Variants in CFAP61 observed in about 807,000 individuals in gnomAD.
The protein encoded by CFAP61 is cilia- and flagella-associated protein 61.
CFAP61 carries 107 observed loss-of-function variants against 135.6 expected under a neutral mutation model. The observed-to-expected ratio is 0.79, with a 90% confidence interval of 0.67 to 0.93. CFAP61 has a LOEUF of 0.93. Among genes scored for constraint, CFAP61 ranks in the 40% least tolerant of loss-of-function variants. CFAP61 has a pLI of 0.00. For synonymous variants in CFAP61, 575 were observed against 578.5 expected (o/e 0.99, Z 0.09); for missense variants, 1,507 against 1,556.2 (o/e 0.97, Z 0.53).
chr20:20,354,959 A>AGACTCTGTCAGAGGAG (rs2059010483), intron 26 of CFAP61, among the ~76,000 whole-genome samples: 1 of 20,588 alleles, frequency 4.9e-5, no homozygotes, highest in Admixed American at 5.6e-4. Context: ...ACTGAGGGGA[A>AGACTCTGTCAGAGGAG]GTGGTCACAC....
chr20:20,064,038 C>G (rs2045041765), intron 2 of CFAP61, among the ~76,000 whole-genome samples: 1 of 124,218 alleles, frequency 8.1e-6, no homozygotes, highest in Non-Finnish European at 1.7e-5. Flanking sequence ...AGTAACCGCC[C>G]CCCACCCCGC....
At chr20:20,278,750 GAA>G (rs556967491) in intron 22 of CFAP61, among the ~76,000 whole-genome samples, 201 of 152,130 alleles carry the variant, frequency 1.3e-3, no homozygotes, top group African/African-American at 4.7e-3. Flanking sequence ...GCAGACCACT[GAA>G]AAAGACTAAA....
intron 20 of CFAP61, 41 bp downstream of exon 20, chr20:20,251,804 A>T: frequency 1.2e-6 from 2 of 1,600,268 alleles, no homozygotes; most frequent in Non-Finnish European, 1.7e-6. Context: ...GTGTCTGGAG[A>T]GCTCCATGAA....
intron 6 of CFAP61, among the ~76,000 whole-genome samples, chr20:20,081,049 T>C (rs1019276995): frequency 1.3e-5 from 2 of 152,008 alleles, no homozygotes; most frequent in African/African-American, 4.8e-5. Flanking sequence ...CAAAATAGTA[T>C]TTTGTTGCTT....
chr20:20,329,885 C>T (rs1343221698), intron 25 of CFAP61, among the ~76,000 whole-genome samples: 3 of 152,230 alleles, frequency 2.0e-5, no homozygotes, highest in African/African-American at 2.4e-5. Context: ...GCGGAGCTCC[C>T]GCCTGCTCTA....
chr20:20,210,637 C>A (rs1261511992), intron 17 of CFAP61, among the ~76,000 whole-genome samples: 1 of 152,116 alleles, frequency 6.6e-6, no homozygotes, highest in East Asian at 1.9e-4. Context: ...AAACACAGAC[C>A]ACGAATGCCC....
chr20:20,288,057 C>T (rs956032973), intron 22 of CFAP61, among the ~76,000 whole-genome samples: 2 of 152,156 alleles, frequency 1.3e-5, no homozygotes, highest in Non-Finnish European at 2.9e-5. Context: ...AGCAACAAGG[C>T]AGGAACCCAG....
At chr20:20,280,367 A>G (rs1279099739) in intron 22 of CFAP61, among the ~76,000 whole-genome samples, 1 of 152,178 alleles carries the variant, frequency 6.6e-6, no homozygotes, top group Non-Finnish European at 1.5e-5. Flanking sequence ...GTTCCTGACA[A>G]TACTTGGATT....
Position 20,067,093 on chromosome 20 carries a change from TA to T in CFAP61, c.144-3749del, listed in dbSNP as rs554114024. 4.7e-3 allele frequency among the ~76,000 whole-genome samples: 666 copies of T among 143,194 alleles called. 1 individual carries two copies. The highest frequency in any genetic ancestry group is 0.018 in the South Asian group (80 of 4,538). 93.9% of individuals were successfully genotyped at this position (143,194 alleles called of 152,430 possible). ...AAAAAGTTTTATAACATCTGACTCT[TA>T]AAAAAAAAAAAGAAAATAAGTTTTG... On this transcript the variant is annotated intron_variant, in intron 2 of 26. Transcript: ENST00000245957.
At chr20:20,301,695 G>A (rs1275586754) in intron 25 of CFAP61, among the ~76,000 whole-genome samples, 8 of 152,246 alleles carry the variant, frequency 5.3e-5, no homozygotes, top group East Asian at 3.9e-4. Flanking sequence ...ATTTGTCCAC[G>A]GAGCAGGGCT....
At chr20:20,081,788 A>ATAT (rs142608849) in intron 6 of CFAP61, among the ~76,000 whole-genome samples, 7,106 of 152,270 alleles carry the variant, frequency 0.047, 543 homozygotes, top group African/African-American at 0.16. Context: ...ACAGCCCCTG[A>ATAT]TGTGCCCATA....
intron 10 of CFAP61, among the ~76,000 whole-genome samples, chr20:20,161,801 A>G (rs2053425413): frequency 6.6e-6 from 1 of 152,236 alleles, no homozygotes; most frequent in South Asian, 2.1e-4. Flanking sequence ...TGTAACGGTG[A>G]GGAATAGAGA....
chr20:20,120,046 G>C (rs1010424138), intron 8 of CFAP61, among the ~76,000 whole-genome samples: 3 of 152,268 alleles, frequency 2.0e-5, no homozygotes, highest in Non-Finnish European at 2.9e-5. Flanking sequence ...TTATGTCTTT[G>C]CTTTTATGAA....
chr20:20,295,073 C>T (rs894223542), intron 24 of CFAP61, among the ~76,000 whole-genome samples: 14 of 151,974 alleles, frequency 9.2e-5, no homozygotes, highest in African/African-American at 9.7e-5. Context: ...GGCCACAAAA[C>T]GCTCAGACTC....
chr20:20,064,124 T>C (rs2045054346), intron 2 of CFAP61, among the ~76,000 whole-genome samples: 1 of 149,690 alleles, frequency 6.7e-6, no homozygotes, highest in Admixed American at 6.9e-5. Flanking sequence ...CCGATTGTTA[T>C]CAGTCAGAAC....
intron 8 of CFAP61, among the ~76,000 whole-genome samples, chr20:20,134,384 G>C (rs1282297395): frequency 6.6e-6 from 1 of 152,194 alleles, no homozygotes; most frequent in African/African-American, 2.4e-5. Context: ...AGGTGAGGGA[G>C]TGGCAGGAGA....
chr20:20,232,360 A>G (rs1371170427), intron 18 of CFAP61, among the ~76,000 whole-genome samples: 1 of 151,074 alleles, frequency 6.6e-6, no homozygotes, highest in African/African-American at 2.4e-5. Context: ...TTTTTTAATT[A>G]TATAAATGCT....
At chr20:20,168,969 A>C (rs1322038268) in intron 12 of CFAP61, among the ~76,000 whole-genome samples, 1 of 152,242 alleles carries the variant, frequency 6.6e-6, no homozygotes, top group Non-Finnish European at 1.5e-5. Flanking sequence ...GGCCTTTGCT[A>C]GGACACCATG....
chr20:20,196,248 G>T (rs1381751326), intron 15 of CFAP61, among the ~76,000 whole-genome samples: 1 of 152,202 alleles, frequency 6.6e-6, no homozygotes, highest in Non-Finnish European at 1.5e-5. Context: ...TCGCCTGGCA[G>T]TGTCACGGAG....
Sources: allele counts gnomAD v4.1 joint callset (sites outside exome capture counted in the v4.1 genomes callset), GRCh38; gene constraint gnomAD v4.1.1; transcripts MANE v1.5; gene names NCBI Gene and HGNC (gene_info 2026-07-23, HGNC 2026-07-21).